Variants in LMNB2 observed in about 807,000 individuals in gnomAD.
LMNB2 encodes the protein lamin-B2.
Under a neutral mutation model 69.3 loss-of-function variants are expected in LMNB2, and 17 were observed. The ratio of observed to expected loss-of-function variants is 0.25; its 90% confidence interval spans 0.17 to 0.37. LMNB2 has a LOEUF of 0.37. Among genes scored for constraint, LMNB2 ranks in the 10% least tolerant of loss-of-function variants. The pLI is 1.00. For missense variants in LMNB2, 789 were observed against 883.6 expected, an observed-to-expected ratio of 0.89 and a Z score of 1.36; for synonymous variants, 397 against 389.3, an observed-to-expected ratio of 1.02 and a Z score of -0.23.
rs767834449 is a variant in LMNB2, at chr19:2,434,280, C to T, written c.1202+15G>A. The T allele has an allele frequency of 4.3e-6, 7 of 1,611,604 alleles. No individual in the cohort carries two copies. The highest frequency in any genetic ancestry group is 5.9e-6 in the Non-Finnish European group (7 of 1,179,474). On this transcript the variant is annotated intron_variant, in intron 7 of 11. Coordinates refer to ENST00000325327, the MANE Select transcript of LMNB2 (RefSeq NM_032737.4). ...CTCCTCACTCTGTGCTCCCAAGCCT[C>T]CTGGCCTGCCGCACCTCTCCTCCTC...
rs1452537561 is a variant in LMNB2 at position 2,434,435 on chromosome 19, G to A, written c.1062C>T (p.Asp354=). ...GERDKFRKML[D]AKEQEMTEMR... ...TCTCCGTCATCTCCTGCTCCTTGGCGTCCAGCATCTTCCGGAACTTGTCCC... is the reference window on the plus strand; with the variant it reads ...TCTCCGTCATCTCCTGCTCCTTGGCATCCAGCATCTTCCGGAACTTGTCCC... The change falls in exon 7 of 12, where the codon GAC becomes GAT. Residue 354 remains aspartate (D), a synonymous_variant. Transcript: ENST00000325327. The A allele has an allele frequency of 1.4e-5, 22 of 1,613,340 alleles. No homozygotes were observed. Among genetic ancestry groups the A allele is most frequent in the East Asian group, 8.9e-5 (4 of 44,890 alleles).
In LMNB2 at chr19:2,453,220, C is replaced by A. The variant is rs1972049216; in HGVS notation, c.264+3450G>T. 6.6e-6 allele frequency among the ~76,000 whole-genome samples: 1 copy of A among 152,132 alleles called. No individual in the cohort carries two copies. Among genetic ancestry groups the A allele is most frequent in the Non-Finnish European group, 1.5e-5 (1 of 67,994 alleles). On this transcript the variant is annotated intron_variant, in intron 1 of 11. Coordinates refer to ENST00000325327, the MANE Select transcript of LMNB2 (RefSeq NM_032737.4). The surrounding 1 kb of genome is among the most constrained non-coding windows in gnomAD (Gnocchi z 4.4). ...AACCAAGGGCATGCCCAGCCTTGGC[C>A]AAGAGTCCCCTGGGGGCAGAAGCTG...
At chr19:2,431,054 G>A (rs1336678730) in intron 11 of LMNB2, 102 bp from the exon 12 acceptor site, 1 of 764,548 alleles carries the variant, frequency 1.3e-6, no homozygotes. Flanking sequence ...GAGGGGCTGA[G>A]CAACAACAGT....
chr19:2,455,246 C>T (rs1972074497), intron 1 of LMNB2, among the ~76,000 whole-genome samples: 1 of 152,058 alleles, frequency 6.6e-6, no homozygotes, highest in African/African-American at 2.4e-5. Context: ...CCACGTGACT[C>T]ACCCCAGAGA....
chr19:2,450,371 G>A (rs906840673), intron 1 of LMNB2, among the ~76,000 whole-genome samples: 7 of 152,022 alleles, frequency 4.6e-5, no homozygotes, highest in African/African-American at 1.2e-4. Flanking sequence ...AAAGGACATC[G>A]GGGAAACTGA....
intron 1 of LMNB2, among the ~76,000 whole-genome samples, chr19:2,455,412 G>T (rs1381922190): frequency 6.6e-6 from 1 of 151,930 alleles, no homozygotes; most frequent in African/African-American, 2.4e-5. Context: ...CCCTCAGTTG[G>T]GGGGGGTCCG....
At chr19:2,437,393 C>T (rs1027330724) in intron 4 of LMNB2, among the ~76,000 whole-genome samples, 2 of 152,232 alleles carry the variant, frequency 1.3e-5, no homozygotes, top group South Asian at 2.1e-4. Flanking sequence ...CACCTGACGC[C>T]TGCCTCATGG....
chr19:2,451,584 G>A (rs1004258238), intron 1 of LMNB2, among the ~76,000 whole-genome samples: 2 of 152,208 alleles, frequency 1.3e-5, no homozygotes, highest in African/African-American at 4.8e-5. Context: ...CTTGTGAGGC[G>A]CTGCAAAGGG....
Position 2,430,922 on chromosome 19 carries a change from A to G in LMNB2, c.1852T>C (p.Tyr618His), listed in dbSNP as rs559532964. 97 of 1,606,742 alleles carry G rather than the reference A, an allele frequency of 6.0e-5. 1 individual carries two copies. In the South Asian group the frequency reaches 6.7e-4, roughly 11 times the overall value. ...GDPRTTSRGC[Y>H]VM ...TGAGGAGTGTGGGTTCACATCACGT[A>G]GCAGCCTCTTGAGGTGGTCCTCGGG... The change falls in exon 12 of 12, where the codon TAC becomes CAC. Residue 618 changes from tyrosine to histidine, a missense_variant. By Grantham distance (83) the Tyr-to-His change is moderately conservative (BLOSUM62 2). Around this residue, in one of 3 missense-constraint regions of LMNB2, gnomAD observed 609 missense variants for 630.9 expected, o/e 0.97. Coordinates refer to ENST00000325327, the MANE Select transcript of LMNB2 (RefSeq NM_032737.4).
Position 2,434,473 on chromosome 19 carries a change from T to C in LMNB2, c.1024A>G (p.Met342Val), listed in dbSNP as rs1194795894. The C allele has an allele frequency of 2.5e-6, 4 of 1,613,106 alleles. No homozygotes were observed. The highest frequency in any genetic ancestry group is 3.4e-6 in the Non-Finnish European group (4 of 1,179,932). The change falls in exon 7 of 12, where the codon ATG becomes GTG. Residue 342 changes from methionine to valine, a missense_variant. By Grantham distance (21) the Met-to-Val change is conservative. Transcript: ENST00000325327. ...CGGAACTTGTCCCGCTCCCCGGCCA[T>C]GGCCTCCTCCAGCTCCCGAATGCGA... ...EDRIRELEEA[M>V]AGERDKFRKM...
In LMNB2 at chr19:2,434,985, C is replaced by A. The variant is rs368113823; in HGVS notation, c.855+16G>T. 1 of 1,601,652 alleles carries A rather than the reference C, an allele frequency of 6.2e-7. No individual in the cohort carries two copies. Among genetic ancestry groups the A allele is most frequent in the Non-Finnish European group, 8.5e-7 (1 of 1,178,106 alleles). On this transcript the variant is annotated intron_variant, in intron 5 of 11. Transcript: ENST00000325327. ...TTCCCACCGGCCGCCCCCGCCCACC[C>A]GCCTGCCGGCCACACCTTGGCCTGG...
chr19:2,452,100 AC>A (rs1325389715), intron 1 of LMNB2, among the ~76,000 whole-genome samples: 1 of 151,134 alleles, frequency 6.6e-6, no homozygotes, highest in African/African-American at 2.4e-5. Context: ...TTCAACAAAT[AC>A]CCATCTGGCC....
At chr19:2,452,762 G>C (rs2145474133) in intron 1 of LMNB2, among the ~76,000 whole-genome samples, 1 of 152,252 alleles carries the variant, frequency 6.6e-6, no homozygotes. Context: ...GAGGACCTCG[G>C]GGGCCGCCAC....
intron 1 of LMNB2, among the ~76,000 whole-genome samples, chr19:2,454,900 C>G (rs1198423150): frequency 1.3e-5 from 2 of 152,098 alleles, no homozygotes; most frequent in East Asian, 3.9e-4. Flanking sequence ...CTCATGTCCC[C>G]TTGGTGGGCA....
At chr19:2,434,217 C>A in intron 7 of LMNB2, 78 bp downstream of exon 7, 3 of 1,555,668 alleles carry the variant, frequency 1.9e-6, no homozygotes, top group Non-Finnish European at 2.6e-6. Flanking sequence ...CAGCACTCCC[C>A]GCAGCCCCGT....
At chr19:2,446,874 C>A (rs1971962331) in intron 1 of LMNB2, among the ~76,000 whole-genome samples, 1 of 152,196 alleles carries the variant, frequency 6.6e-6, no homozygotes, top group African/African-American at 2.4e-5. Flanking sequence ...GGCGCAGTGG[C>A]TCACACCTGT....
Position 2,430,946 on chromosome 19 carries a change from G to T in LMNB2, c.1828C>A (p.Pro610Thr), listed in dbSNP as rs1202860307. 2 of 1,609,630 alleles carry T rather than the reference G, an allele frequency of 1.2e-6. No individual in the cohort carries two copies. The highest frequency in any genetic ancestry group is 2.2e-5 in the East Asian group (1 of 44,884). The stretch of plus-strand genomic sequence containing the variant: ...TAGCAGCCTCTTGAGGTGGTCCTCG[G>T]GTCCCCCTGCAGGAAGGAAGGAAGG... ...EEDLFHQQGD[P>T]RTTSRGCYVM The change falls in exon 12 of 12, where the codon CCG (proline) becomes ACG (threonine). Residue 610 changes from proline (P) to threonine (T), a missense_variant. Around this residue, in one of 3 missense-constraint regions of LMNB2, gnomAD observed 609 missense variants for 630.9 expected, o/e 0.97. Transcript: ENST00000325327.
chr19:2,430,789 C>T lies in LMNB2; in HGVS notation c.*122G>A, dbSNP rs572640325. 25 of 798,582 alleles carry T rather than the reference C, an allele frequency of 3.1e-5. No homozygotes were observed. The highest frequency in any genetic ancestry group is 5.0e-5 in the East Asian group (2 of 39,732). 49.5% of individuals were successfully genotyped at this position (798,582 alleles called of 1,614,324 possible). The stretch of plus-strand genomic sequence containing the variant: ...GAGGGCTGGGGGAGACCCACCCACA[C>T]GTTCTGGCAGTTCGCTTAGAAATTC... On this transcript the variant is annotated 3_prime_UTR_variant, in exon 12 of 12. Transcript: ENST00000325327.
intron 1 of LMNB2, among the ~76,000 whole-genome samples, chr19:2,446,640 G>A (rs972601707): frequency 3.3e-5 from 5 of 152,324 alleles, no homozygotes; most frequent in Admixed American, 2.6e-4. Context: ...CAGGGCGTCC[G>A]TCAAGAAGAC....
Sources: allele counts gnomAD v4.1 joint callset (sites outside exome capture counted in the v4.1 genomes callset), GRCh38; gene constraint gnomAD v4.1.1; regional missense constraint gnomAD v4.1.1; non-coding constraint Gnocchi (gnomAD v3.1); transcripts MANE v1.5; gene names NCBI Gene and HGNC (gene_info 2026-07-23, HGNC 2026-07-21).